NEK10: variants seen among roughly 807,000 people sequenced by gnomAD.
The protein encoded by NEK10 is NIMA related kinase 10, also known as serine/threonine-protein kinase Nek10.
A neutral mutation model predicts 159.8 loss-of-function variants in NEK10; 122 were observed. The ratio of observed to expected loss-of-function variants is 0.76; its 90% CI spans 0.66 to 0.89. The LOEUF (loss-of-function observed/expected upper bound fraction) is 0.89, where lower values mean the gene tolerates loss of function less well. Ranked by LOEUF, NEK10 falls within the 40% of genes least tolerant of loss-of-function variation. The probability of loss-of-function intolerance (pLI) is 0.00; values close to 1 mark genes in which losing one functional copy is unlikely to be tolerated. For synonymous variants in NEK10, 466 were observed against 457.1 expected, an observed-to-expected ratio of 1.02 and a Z score of -0.25; for missense variants, 1,342 against 1,323.1, an observed-to-expected ratio of 1.01 and a Z score of -0.22.
In NEK10 at chr3:27,154,327, A is replaced by G. The variant is rs117305158; in HGVS notation, c.2869+8374T>C. The stretch of plus-strand genomic sequence containing the variant: ...TAACTTAAAAATTACCAACAAAAAA[A>G]GGTCCAGGACCAGAGGGATTCACAG... On this transcript the variant is annotated intron_variant, in intron 30 of 35. Transcript: ENST00000691995. Among the ~76,000 whole-genome samples the G allele has an allele frequency of 2.1e-3, 313 of 152,326 alleles. 12 individuals are homozygous for G. The East Asian group carries it at 0.046, about 22-fold the overall frequency.
At chr3:27,254,163 T>C (rs927621370) in intron 23 of NEK10, among the ~76,000 whole-genome samples, 5 of 152,238 alleles carry the variant, frequency 3.3e-5, no homozygotes, top group African/African-American at 9.6e-5. Context: ...AAAATCTTTT[T>C]TAAAACATTA....
At chr3:27,236,592 GGTGACATCACATATCGGTAAGT>G (rs1388739716) in intron 23 of NEK10, among the ~76,000 whole-genome samples, 1 of 152,062 alleles carries the variant, frequency 6.6e-6, no homozygotes, top group Non-Finnish European at 1.5e-5. Flanking sequence ...GCCTCCAGGG[GGTGACATCACATATCGGTAAGT>G]CCGTGATGTC....
chr3:27,320,783 C>T (rs577413664), intron 6 of NEK10, among the ~76,000 whole-genome samples: 5 of 152,212 alleles, frequency 3.3e-5, no homozygotes, highest in East Asian at 1.9e-4. Context: ...AGGAAGAGGA[C>T]GATTCTTCTA....
intron 1 of NEK10, among the ~76,000 whole-genome samples, chr3:27,358,565 T>C (rs2048472454): frequency 6.6e-6 from 1 of 152,182 alleles, no homozygotes; most frequent in Non-Finnish European, 1.5e-5. Context: ...AGTAAACACA[T>C]GTGACAGAGA....
chr3:27,314,342 A>C lies in NEK10; in HGVS notation c.448-4T>G, dbSNP rs373615014. The stretch of plus-strand genomic sequence containing the variant: ...CACCCAAGCTATGGAGTATTTCCTA[A>C]TAAAATAAAAGCAACAAAACACATG... On this transcript the variant is annotated splice_region_variant and splice_polypyrimidine_tract_variant and intron_variant, in intron 6 of 35. Coordinates refer to ENST00000691995, the MANE Select transcript of NEK10 (RefSeq NM_001394966.1). 2.1e-5 allele frequency: 34 copies of C among 1,590,050 alleles called. No homozygotes were observed. In the African/African-American group the frequency reaches 4.4e-4, roughly 21 times the overall value.
chr3:27,368,360 TG>T (rs1191561126), intron 1 of NEK10, among the ~76,000 whole-genome samples: 1 of 151,252 alleles, frequency 6.6e-6, no homozygotes, highest in Non-Finnish European at 1.5e-5. Context: ...AGTTCAACAA[TG>T]GTGGGGAAAA....
intron 5 of NEK10, among the ~76,000 whole-genome samples, chr3:27,329,598 A>G (rs1488053077): frequency 6.6e-6 from 1 of 152,226 alleles, no homozygotes; most frequent in Non-Finnish European, 1.5e-5. Context: ...TTTCCTGGGA[A>G]GGTAGGAACA....
At chr3:27,331,417 C>T (rs146436656) in intron 5 of NEK10, among the ~76,000 whole-genome samples, 2 of 152,020 alleles carry the variant, frequency 1.3e-5, no homozygotes, top group Non-Finnish European at 1.5e-5. Flanking sequence ...AATAAGGAAC[C>T]TTCAAAGGTC....
chr3:27,111,440 G>A (rs1418790748), intron 35 of NEK10, 120 bp from the exon 36 acceptor site: 11 of 745,338 alleles, frequency 1.5e-5, no homozygotes, highest in Admixed American at 1.0e-4. Flanking sequence ...ATAAAAAGAC[G>A]ATTATTTTTG....
intron 1 of NEK10, among the ~76,000 whole-genome samples, chr3:27,365,537 A>G (rs748394675): frequency 6.6e-6 from 1 of 151,934 alleles, no homozygotes; most frequent in East Asian, 1.9e-4. Context: ...TTTACCAAAT[A>G]AAAAAACTAT....
At chr3:27,114,543 G>T (rs111475243) in intron 35 of NEK10, among the ~76,000 whole-genome samples, 1 of 152,102 alleles carries the variant, frequency 6.6e-6, no homozygotes, top group African/African-American at 2.4e-5. Flanking sequence ...CCTTGAAATG[G>T]GAGAAGTAGA....
chr3:27,192,004 A>T, intron 26 of NEK10, 25 bp downstream of exon 26: 1 of 1,605,146 alleles, frequency 6.2e-7, no homozygotes, highest in Non-Finnish European at 8.5e-7. Flanking sequence ...GTGCATCATG[A>T]ACCGATTGAA....
intron 28 of NEK10, among the ~76,000 whole-genome samples, chr3:27,172,369 CATAA>C (rs1947090896): frequency 1.6e-5 from 2 of 125,806 alleles, no homozygotes; most frequent in Admixed American, 7.9e-5. Flanking sequence ...ACTTAAAATA[CATAA>C]ATAAATAAAG....
chr3:27,331,779 G>GT (rs2046439095), intron 5 of NEK10, among the ~76,000 whole-genome samples: 1 of 152,114 alleles, frequency 6.6e-6, no homozygotes. Flanking sequence ...ACGTTGTGAT[G>GT]TTTTCTCCTA....
intron 22 of NEK10, among the ~76,000 whole-genome samples, chr3:27,283,790 T>A (rs1284135788): frequency 1.3e-5 from 2 of 152,210 alleles, no homozygotes. Context: ...TGTTGAAATA[T>A]ACAAATGGCT....
intron 22 of NEK10, among the ~76,000 whole-genome samples, chr3:27,258,667 C>T (rs1373028025): frequency 3.9e-5 from 6 of 152,136 alleles, no homozygotes; most frequent in Admixed American, 2.0e-4. Context: ...TGAATAGTGC[C>T]GCAATAAACT....
Position 27,115,944 on chromosome 3 carries a change from T to G in NEK10, c.3295A>C (p.Asn1099His). The change falls in exon 35 of 36, where the codon AAC becomes CAC. Residue 1099 changes from asparagine to histidine, a missense_variant. By Grantham distance (68) the Asn-to-His change is moderately conservative (BLOSUM62 1). Transcript: ENST00000691995. ...EESGYYNFTS[N>H]RYHSYPWGTK... The stretch of plus-strand genomic sequence containing the variant: ...AAGGCAAACTCTAGCTCTTACCTGT[T>G]AGATGTAAAATTGTAATAGCCACTT... 3 of 1,610,460 alleles carry G rather than the reference T, an allele frequency of 1.9e-6. No homozygotes were observed. Among genetic ancestry groups the G allele is most frequent in the Non-Finnish European group, 2.5e-6 (3 of 1,177,192 alleles).
At chr3:27,144,845 C>T (rs1944141033) in intron 30 of NEK10, among the ~76,000 whole-genome samples, 1 of 152,118 alleles carries the variant, frequency 6.6e-6, no homozygotes, top group Non-Finnish European at 1.5e-5. Flanking sequence ...CCTCAGCCTC[C>T]CGTGTAGCTG....
intron 1 of NEK10, among the ~76,000 whole-genome samples, chr3:27,365,714 G>A (rs2149910456): frequency 3.6e-5 from 5 of 139,920 alleles, no homozygotes; most frequent in Middle Eastern, 7.5e-3. Flanking sequence ...CCAGCTTCAA[G>A]TGATTCTCCT....
Sources: allele counts gnomAD v4.1 joint callset (sites outside exome capture counted in the v4.1 genomes callset), GRCh38; gene constraint gnomAD v4.1.1; transcripts MANE v1.5; gene names NCBI Gene and HGNC (gene_info 2026-07-23, HGNC 2026-07-21).